ZC3H7B: variants seen among roughly 807,000 people sequenced by gnomAD.
ZC3H7B encodes the protein zinc finger CCCH-type containing 7B.
Under a neutral mutation model 116.0 loss-of-function variants are expected in ZC3H7B, and 35 were observed. The ratio of observed to expected loss-of-function variants is 0.30; its 90% CI spans 0.23 to 0.40. The LOEUF (loss-of-function observed/expected upper bound fraction) is 0.40, where lower values mean the gene tolerates loss of function less well. Ranked by LOEUF, ZC3H7B falls within the 10% of genes least tolerant of loss-of-function variation. The pLI, the probability that ZC3H7B is intolerant of heterozygous loss-of-function variation, is 1.00. For missense variants in ZC3H7B, 1,011 were observed against 1,321.5 expected (o/e 0.77, Z 3.64); for synonymous variants, 502 against 545.6 (o/e 0.92, Z 1.11).
chr22:41,345,864 T>C, intron 13 of ZC3H7B, 139 bp from the exon 14 acceptor site: 1 of 834,118 alleles, frequency 1.2e-6, no homozygotes, highest in Non-Finnish European at 2.0e-6. Context: ...AGCCCCTGGC[T>C]CACCTAGCTG....
intron 2 of ZC3H7B, 42 bp downstream of exon 2, chr22:41,320,755 A>C (rs2145909677): frequency 8.5e-5 from 60 of 703,118 alleles, no homozygotes; most frequent in Non-Finnish European, 1.4e-4. Flanking sequence ...TGGGTGGGCA[A>C]GGGTGGGTTC....
chr22:41,316,972 A>T (rs548488024), intron 1 of ZC3H7B, among the ~76,000 whole-genome samples: 1 of 152,056 alleles, frequency 6.6e-6, no homozygotes, highest in Non-Finnish European at 1.5e-5. Flanking sequence ...CCTCCCGAGT[A>T]GCTGGGATTA....
At chr22:41,332,796 A>C (rs2036399041) in intron 7 of ZC3H7B, 1 of 152,822 alleles carries the variant, frequency 6.5e-6, no homozygotes, top group Admixed American at 6.5e-5. Context: ...AATGCGGACC[A>C]TCCCTCAACG....
At chr22:41,348,859 C>T (rs780007297) in intron 15 of ZC3H7B, among the ~76,000 whole-genome samples, 8 of 152,186 alleles carry the variant, frequency 5.3e-5, no homozygotes, top group Non-Finnish European at 8.8e-5. Context: ...AACCTGAGGG[C>T]GGTGCCCTTT....
chr22:41,311,510 AG>A (rs2036118557), intron 1 of ZC3H7B, among the ~76,000 whole-genome samples: 1 of 151,916 alleles, frequency 6.6e-6, no homozygotes, highest in Admixed American at 6.6e-5. Flanking sequence ...GATGAGTAGG[AG>A]TTGGGAAGGT....
In ZC3H7B at chr22:41,339,621, G is replaced by A. The variant is rs1348552666; in HGVS notation, c.817-195G>A. On this transcript the variant is annotated intron_variant, in intron 9 of 22. Transcript: ENST00000352645. ...AGCCTGGGCAGTGGAGCAAGACTCC[G>A]TCTCAAAAAAAAAAAAAGAAATGAA... Among the ~76,000 whole-genome samples, 7 of 140,912 alleles carry A rather than the reference G, an allele frequency of 5.0e-5. No homozygotes were observed. In the East Asian group the frequency reaches 1.0e-3, roughly 21 times the overall value. The allele number at this position is 140,912 out of a possible 152,430, so 92.4% of individuals were successfully genotyped here. A position where few individuals can be genotyped will look rare whatever the true frequency, so the allele number is the denominator to read the frequency against.
chr22:41,314,368 G>A (rs2036154672), intron 1 of ZC3H7B, among the ~76,000 whole-genome samples: 1 of 151,716 alleles, frequency 6.6e-6, no homozygotes, highest in South Asian at 2.1e-4. Flanking sequence ...TGTTGGCCAG[G>A]CTGGTCTCGA....
At chr22:41,352,387 C>T (rs1374427577) in intron 17 of ZC3H7B, among the ~76,000 whole-genome samples, 1 of 152,172 alleles carries the variant, frequency 6.6e-6, no homozygotes, top group Non-Finnish European at 1.5e-5. Flanking sequence ...GTAAACATTT[C>T]TCTATTGTAA....
chr22:41,355,053 A>C (rs1273698032), intron 17 of ZC3H7B, among the ~76,000 whole-genome samples: 3 of 152,040 alleles, frequency 2.0e-5, no homozygotes, highest in African/African-American at 4.8e-5. Context: ...AGCTTAGGAG[A>C]GCTCCGGGGC....
intron 1 of ZC3H7B, among the ~76,000 whole-genome samples, chr22:41,303,983 T>C (rs2036007764): frequency 6.6e-6 from 1 of 152,212 alleles, no homozygotes; most frequent in African/African-American, 2.4e-5. Context: ...GGTCTTGATC[T>C]CCTGACCTCG....
intron 1 of ZC3H7B, among the ~76,000 whole-genome samples, chr22:41,313,240 TC>T (rs892397400): frequency 5.9e-5 from 9 of 151,966 alleles, no homozygotes; most frequent in Non-Finnish European, 8.8e-5. Flanking sequence ...TGCCTCAGCC[TC>T]CCTAGTAGCT....
intron 1 of ZC3H7B, among the ~76,000 whole-genome samples, chr22:41,319,340 G>C (rs2036224539): frequency 6.6e-6 from 1 of 152,164 alleles, no homozygotes; most frequent in Admixed American, 6.6e-5. Context: ...GGTGGAGGTT[G>C]CAGTGAGCCA....
chr22:41,331,132 C>T (rs2036377125), intron 6 of ZC3H7B, among the ~76,000 whole-genome samples: 1 of 143,876 alleles, frequency 7.0e-6, no homozygotes, highest in Non-Finnish European at 1.5e-5. Context: ...GCTGGGATTA[C>T]AAGCGTGAGC....
intron 1 of ZC3H7B, among the ~76,000 whole-genome samples, chr22:41,319,495 G>T (rs561049098): frequency 6.6e-6 from 1 of 151,222 alleles, no homozygotes; most frequent in Admixed American, 6.6e-5. Flanking sequence ...ACTTGAAACC[G>T]GGAGGTGGAG....
At position 41,325,743 on chromosome 22, in the gene ZC3H7B, A is replaced by G; in HGVS notation, c.110A>G (p.Gln37Arg). 1 of 1,613,788 alleles carries G rather than the reference A, an allele frequency of 6.2e-7. No homozygotes were observed. The highest frequency in any genetic ancestry group is 8.5e-7 in the Non-Finnish European group (1 of 1,179,912). ...CAGGCCTTTCTGCTCAAGCTGGTGC[A>G]GAATCTGTTTGCTGAGGGCAATGAT... is the stretch of plus-strand genomic sequence containing the variant. ...EYEAFLLKLVQNLFAEGNDLF... is the reference protein window; with the variant it reads ...EYEAFLLKLVRNLFAEGNDLF... Residue 37 changes from glutamine (Q) to arginine (R), a missense_variant, in exon 4 of 23, where the codon CAG (glutamine) becomes CGG (arginine). Coordinates refer to ENST00000352645, the MANE Select transcript of ZC3H7B (RefSeq NM_017590.6).
At chr22:41,308,098 G>A (rs2036069164) in intron 1 of ZC3H7B, among the ~76,000 whole-genome samples, 1 of 152,174 alleles carries the variant, frequency 6.6e-6, no homozygotes, top group South Asian at 2.1e-4. Flanking sequence ...AGTCCACAAT[G>A]TGACTTGGGA....
chr22:41,338,897 AAAG>A lies in ZC3H7B; in HGVS notation c.626-97_626-95del, dbSNP rs1418409093. 7.1e-6 allele frequency: 9 copies of A among 1,274,498 alleles called. No homozygotes were observed. The Admixed American group carries it at 2.2e-4, about 31-fold the overall frequency. The allele number at this position is 1,274,498 out of a possible 1,614,324, so 78.9% of individuals were successfully genotyped here. On this transcript the variant is annotated intron_variant, in intron 8 of 22. Coordinates refer to ENST00000352645, the MANE Select transcript of ZC3H7B (RefSeq NM_017590.6). The surrounding 1 kb of genome is among the most constrained non-coding windows in gnomAD (Gnocchi z 4.5). ...AAGGCAGGGCTCCTGGCAAGAGCTG[AAAG>A]AAGAAGGGAAAGTGTTGGATGAGCA... is the stretch of plus-strand genomic sequence containing the variant.
Position 41,326,012 on chromosome 22 carries a change from C to A in ZC3H7B, c.285+94C>A, listed in dbSNP as rs112551015. The A allele has an allele frequency of 4.6e-4, 632 of 1,382,080 alleles. 2 individuals are homozygous for A. In the Middle Eastern group the frequency reaches 6.0e-3, roughly 13 times the overall value. The allele number at this position is 1,382,080 out of a possible 1,614,324, so 85.6% of individuals were successfully genotyped here. On this transcript the variant is annotated intron_variant, in intron 4 of 22. Coordinates refer to ENST00000352645, the MANE Select transcript of ZC3H7B (RefSeq NM_017590.6). ...GCCCATACCCCAGTGAGCCTGTAGACCAGGGCCAGCCTCCTCCCAGCCTGC... is the reference window on the plus strand; with the variant it reads ...GCCCATACCCCAGTGAGCCTGTAGAACAGGGCCAGCCTCCTCCCAGCCTGC...
Position 41,343,640 on chromosome 22 carries a change from G to T in ZC3H7B, c.1459+64G>T, listed in dbSNP as rs1352713532. 4 of 1,487,266 alleles carry T rather than the reference G, an allele frequency of 2.7e-6. No individual in the cohort carries two copies. In the African/African-American group the frequency reaches 5.6e-5, roughly 21 times the overall value. 92.1% of individuals were successfully genotyped at this position (1,487,266 alleles called of 1,614,324 possible). A position where few individuals can be genotyped will look rare whatever the true frequency, so the allele number is the denominator to read the frequency against. The stretch of plus-strand genomic sequence containing the variant: ...CCCAGCCCCTCCACCCCCAGCCGCT[G>T]CTCTACTCCCCATCACAGGTAGACA... On this transcript the variant is annotated intron_variant, in intron 13 of 22. Transcript: ENST00000352645.
Sources: allele counts gnomAD v4.1 joint callset (sites outside exome capture counted in the v4.1 genomes callset), GRCh38; gene constraint gnomAD v4.1.1; non-coding constraint Gnocchi (gnomAD v3.1); transcripts MANE v1.5; gene names NCBI Gene and HGNC (gene_info 2026-07-23, HGNC 2026-07-21).